The following PKIG variants were observed in gnomAD, a reference collection of about 807,000 sequenced individuals.
PKIG encodes cAMP-dependent protein kinase inhibitor gamma, also known as protein kinase (cAMP-dependent, catalytic) inhibitor gamma.
PKIG carries 1 observed loss-of-function variant against 6.8 expected under a neutral mutation model. The observed-to-expected ratio is 0.15, with a 90% CI of 0.05 to 0.69. The LOEUF is 0.69. PKIG is among the 30% of genes least tolerant of loss of function. The pLI, the probability that PKIG is intolerant of heterozygous loss-of-function variation, is 0.82. For missense variants in PKIG, 77 were observed against 104.0 expected (o/e 0.74, Z 1.13); for synonymous variants, 39 against 43.0 (o/e 0.91, Z 0.36).
intron 2 of PKIG, among the ~76,000 whole-genome samples, chr20:44,595,440 T>C (rs2065067387): frequency 6.6e-6 from 1 of 152,272 alleles, no homozygotes; most frequent in Non-Finnish European, 1.5e-5. Context: ...GGATACAGTA[T>C]CAAATATTGC....
chr20:44,611,595 C>T (rs2065219710), intron 2 of PKIG, among the ~76,000 whole-genome samples: 1 of 151,432 alleles, frequency 6.6e-6, no homozygotes, highest in Non-Finnish European at 1.5e-5. Flanking sequence ...TGGCTCACTG[C>T]AAGCTCCGCC....
intron 3 of PKIG, among the ~76,000 whole-genome samples, chr20:44,616,743 G>A (rs2065268252): frequency 1.3e-5 from 2 of 152,214 alleles, no homozygotes; most frequent in African/African-American, 2.4e-5. Context: ...CAGGAAGCCC[G>A]CAGGGAGCAG....
In PKIG at chr20:44,548,907, T is replaced by C. The variant is rs564303526; in HGVS notation, c.-241+16929T>C. ...ACACACACACACACACACACACATA[T>C]ATCTGTCTGAGATAATAATTAGATA... On this transcript the variant is annotated intron_variant, in intron 1 of 4. Transcript: ENST00000372887. Among the ~76,000 whole-genome samples the C allele has an allele frequency of 4.7e-3, 687 of 147,272 alleles. 4 individuals are homozygous for C. Among genetic ancestry groups the C allele is most frequent in the African/African-American group, 0.016 (639 of 38,970 alleles).
chr20:44,556,700 G>A (rs2064716631), intron 1 of PKIG, among the ~76,000 whole-genome samples: 1 of 152,030 alleles, frequency 6.6e-6, no homozygotes. Flanking sequence ...ACTAAATTTG[G>A]ATTCCAAGTG....
intron 1 of PKIG, among the ~76,000 whole-genome samples, chr20:44,589,148 A>G (rs1483061031): frequency 6.6e-6 from 1 of 152,030 alleles, no homozygotes; most frequent in African/African-American, 2.4e-5. Context: ...CAAATGCTGT[A>G]CTTTTTTTTT....
At chr20:44,571,050 A>C (rs2064849910) in intron 1 of PKIG, among the ~76,000 whole-genome samples, 3 of 152,118 alleles carry the variant, frequency 2.0e-5, no homozygotes, top group Non-Finnish European at 4.4e-5. Context: ...CCTGGCCAAC[A>C]TGGTGAAACC....
At chr20:44,547,504 G>A (rs2064625986) in intron 1 of PKIG, among the ~76,000 whole-genome samples, 1 of 152,144 alleles carries the variant, frequency 6.6e-6, no homozygotes, top group South Asian at 2.1e-4. Context: ...ATACAAACCT[G>A]CCTCATAGGA....
At chr20:44,595,536 T>C (rs1437302771) in intron 2 of PKIG, among the ~76,000 whole-genome samples, 1 of 152,078 alleles carries the variant, frequency 6.6e-6, no homozygotes, top group African/African-American at 2.4e-5. Flanking sequence ...TTTTTTGAGA[T>C]GGAGTTTCGC....
At chr20:44,588,917 T>C (rs2065011963) in intron 1 of PKIG, among the ~76,000 whole-genome samples, 1 of 152,252 alleles carries the variant, frequency 6.6e-6, no homozygotes, top group Non-Finnish European at 1.5e-5. Flanking sequence ...GTGAAAGTTA[T>C]ACATGCCTCT....
chr20:44,590,820 G>T (rs2065027691), intron 2 of PKIG, among the ~76,000 whole-genome samples: 1 of 152,222 alleles, frequency 6.6e-6, no homozygotes, highest in African/African-American at 2.4e-5. Context: ...CATAAGCTAA[G>T]GATGGTGTGA....
chr20:44,548,036 G>A (rs1028395291), intron 1 of PKIG, among the ~76,000 whole-genome samples: 7 of 152,154 alleles, frequency 4.6e-5, no homozygotes, highest in Admixed American at 3.3e-4. Context: ...AAAATTAGCC[G>A]GGTGTGGTGT....
At chr20:44,544,925 CTTTTTTTTTT>C (rs796482642) in intron 1 of PKIG, among the ~76,000 whole-genome samples, 182 of 64,392 alleles carry the variant, frequency 2.8e-3, no homozygotes, top group Middle Eastern at 0.02. Context: ...TTCCTTCTTT[CTTTTTTTTTT>C]TTTTTTTTTT....
At chr20:44,567,796 CT>C (rs2064822516) in intron 1 of PKIG, among the ~76,000 whole-genome samples, 1 of 152,198 alleles carries the variant, frequency 6.6e-6, no homozygotes. Context: ...CAGAGTGTGG[CT>C]TATGTCTCTC....
chr20:44,583,017 C>T (rs959545136), intron 1 of PKIG, among the ~76,000 whole-genome samples: 3 of 152,090 alleles, frequency 2.0e-5, no homozygotes, highest in Non-Finnish European at 4.4e-5. Flanking sequence ...GCTCCTTGCT[C>T]CAAATATAGG....
At chr20:44,536,390 TGAG>T (rs1711016222) in intron 1 of PKIG, among the ~76,000 whole-genome samples, 1 of 151,998 alleles carries the variant, frequency 6.6e-6, no homozygotes, top group African/African-American at 2.4e-5. Flanking sequence ...AGAAAAAAAA[TGAG>T]GAAGTATCTT....
At chr20:44,599,558 C>T (rs924456761) in intron 2 of PKIG, among the ~76,000 whole-genome samples, 6 of 152,034 alleles carry the variant, frequency 3.9e-5, no homozygotes, top group Admixed American at 3.9e-4. Flanking sequence ...CCTGTCTCTA[C>T]TAAAAGTACA....
At chr20:44,606,643 TC>T (rs1000694404) in intron 2 of PKIG, among the ~76,000 whole-genome samples, 1 of 152,098 alleles carries the variant, frequency 6.6e-6, no homozygotes, top group African/African-American at 2.4e-5. Flanking sequence ...ACCTCATCTC[TC>T]CCAAAAATAT....
At chr20:44,538,759 G>C (rs2064534682) in intron 1 of PKIG, among the ~76,000 whole-genome samples, 1 of 151,988 alleles carries the variant, frequency 6.6e-6, no homozygotes, top group Non-Finnish European at 1.5e-5. Context: ...TTGGTATTCA[G>C]TTTCCTCAAC....
chr20:44,569,470 C>G (rs1407004327), intron 1 of PKIG, among the ~76,000 whole-genome samples: 1 of 152,162 alleles, frequency 6.6e-6, no homozygotes, highest in Non-Finnish European at 1.5e-5. Flanking sequence ...TCCCCACTTG[C>G]TTTAGCCAGG....
Sources: allele counts gnomAD v4.1 joint callset (sites outside exome capture counted in the v4.1 genomes callset), GRCh38; gene constraint gnomAD v4.1.1; transcripts MANE v1.5; gene names NCBI Gene and HGNC (gene_info 2026-07-23, HGNC 2026-07-21).